Variants in SV2C observed in about 807,000 individuals in gnomAD.
SV2C encodes synaptic vesicle glycoprotein 2C, also known as solute carrier family 22 member B3.
SV2C carries 49 observed loss-of-function variants against 79.7 expected under a neutral mutation model. The observed-to-expected ratio is 0.61, with a 90% confidence interval of 0.49 to 0.78. The LOEUF is 0.78. Ranked by LOEUF, SV2C falls within the 30% of genes least tolerant of loss-of-function variation. The probability of loss-of-function intolerance (pLI) is 0.00; values close to 1 mark genes in which losing one functional copy is unlikely to be tolerated. For missense variants in SV2C, 833 were observed against 912.9 expected (o/e 0.91, Z 1.13); for synonymous variants, 334 against 333.2 (o/e 1.00, Z -0.03).
At chr5:76,308,963 G>C (rs1748310393) in intron 12 of SV2C, among the ~76,000 whole-genome samples, 1 of 152,058 alleles carries the variant, frequency 6.6e-6, no homozygotes, top group African/African-American at 2.4e-5. Flanking sequence ...GCAAACTTCA[G>C]TTGTAATATA....
intron 4 of SV2C, among the ~76,000 whole-genome samples, chr5:76,226,051 C>T (rs576400687): frequency 2.3e-4 from 35 of 152,272 alleles, no homozygotes; most frequent in African/African-American, 7.0e-4. Context: ...ATGAGTTCAA[C>T]GAACCGCTTC....
In SV2C at chr5:76,332,263, G is replaced by A. The variant is rs562581898; in HGVS notation, c.*6716G>A. The stretch of plus-strand genomic sequence containing the variant: ...GACTCAGACGGGTTTCAACTCAAGC[G>A]GGTAATCTACCCCAGCAGCAGGGGT... On this transcript the variant is annotated 3_prime_UTR_variant, in exon 13 of 13. Transcript: ENST00000502798. 9 of 152,252 alleles carry A rather than the reference G, an allele frequency of 5.9e-5. No individual in the cohort carries two copies. The East Asian group carries it at 1.4e-3, about 23-fold the overall frequency. The allele number at this position is 152,252 out of a possible 1,614,324, so 9.4% of individuals were successfully genotyped here.
At chr5:75,950,696 A>G in the SV2C span, among the ~76,000 whole-genome samples, 285 of 152,140 alleles carry the variant, frequency 1.9e-3, 2 homozygotes, top group African/African-American at 6.3e-3. Flanking sequence ...GTCAAGCTAG[A>G]TATAAGTGGA....
chr5:76,088,233 A>C (rs1348191531), intron 1 of SV2C, among the ~76,000 whole-genome samples: 1 of 152,204 alleles, frequency 6.6e-6, no homozygotes, highest in African/African-American at 2.4e-5. Flanking sequence ...TTTCCTCATA[A>C]AGTTATTAGA....
intron 2 of SV2C, among the ~76,000 whole-genome samples, chr5:76,157,417 T>G (rs1272122266): frequency 3.3e-5 from 5 of 152,030 alleles, no homozygotes; most frequent in Non-Finnish European, 7.4e-5. Context: ...GCTAAAGTTA[T>G]TTAGTCTGAA....
chr5:76,117,214 C>A (rs1052508208), intron 1 of SV2C, among the ~76,000 whole-genome samples: 3 of 152,078 alleles, frequency 2.0e-5, no homozygotes, highest in Non-Finnish European at 4.4e-5. Context: ...AATTATATAT[C>A]ATGGTTTTGA....
At chr5:75,848,690 G>C in the SV2C span, among the ~76,000 whole-genome samples, 1 of 152,140 alleles carries the variant, frequency 6.6e-6, no homozygotes, top group Non-Finnish European at 1.5e-5. Context: ...TCTCAAGATA[G>C]GAGGGGTTGG....
chr5:76,320,076 C>G (rs1748777553), intron 12 of SV2C, among the ~76,000 whole-genome samples: 1 of 151,710 alleles, frequency 6.6e-6, no homozygotes, highest in South Asian at 2.1e-4. Context: ...CTTTGGGAGG[C>G]TGAGGTGGGA....
rs544120931 is a variant in SV2C at position 76,346,093 on chromosome 5, C to T, written c.2001-7037C>T. Among the ~76,000 whole-genome samples, 10 of 152,252 alleles carry T rather than the reference C, an allele frequency of 6.6e-5. No individual in the cohort carries two copies. In the East Asian group the frequency reaches 1.7e-3, roughly 26 times the overall value. ...GATTTCCTTGGTGTAATTACTTCCACCATGGTTAATTTCAAGCTACCAGTG... is the reference window on the plus strand; with the variant it reads ...GATTTCCTTGGTGTAATTACTTCCATCATGGTTAATTTCAAGCTACCAGTG... On this transcript the variant is annotated intron_variant, in intron 12 of 12. Coordinates refer to the SV2C transcript ENST00000322285.
chr5:75,950,911 A>T, the SV2C span, among the ~76,000 whole-genome samples: 3 of 152,020 alleles, frequency 2.0e-5, no homozygotes, highest in Non-Finnish European at 4.4e-5. Context: ...TTTACATTCT[A>T]GTCACATGAT....
the SV2C span, among the ~76,000 whole-genome samples, chr5:75,931,619 A>G: frequency 6.6e-6 from 1 of 152,218 alleles, no homozygotes; most frequent in East Asian, 1.9e-4. Context: ...TCAAATGGAA[A>G]GCTAAGGCCA....
At chr5:76,042,516 T>C in the SV2C span, among the ~76,000 whole-genome samples, 58 of 152,196 alleles carry the variant, frequency 3.8e-4, no homozygotes, top group Non-Finnish European at 8.8e-5. Flanking sequence ...AATCTATAGA[T>C]CCTCCTTCTA....
chr5:76,219,395 C>T (rs1406269696), intron 4 of SV2C, among the ~76,000 whole-genome samples: 2 of 152,174 alleles, frequency 1.3e-5, no homozygotes, highest in Non-Finnish European at 1.5e-5. Context: ...TAATAAGATG[C>T]ATCAGTCAAA....
At chr5:75,971,982 A>C in the SV2C span, among the ~76,000 whole-genome samples, 2 of 152,260 alleles carry the variant, frequency 1.3e-5, no homozygotes, top group South Asian at 4.1e-4. Context: ...ACAGAGATAC[A>C]GACTAATGGA....
In SV2C at chr5:76,107,852, C is replaced by CA. The variant is rs372536010; in HGVS notation, c.-101-23789dup. ...TGGGCAACAGATGAAGACCCTATTT[C>CA]AAAAAAAAACAAAAGCAAGTTTATT... is the stretch of plus-strand genomic sequence containing the variant. On this transcript the variant is annotated intron_variant, in intron 1 of 12. Transcript: ENST00000502798. Among the ~76,000 whole-genome samples, 38 of 149,068 alleles carry CA rather than the reference C, an allele frequency of 2.5e-4. 1 individual carries two copies. The highest frequency in any genetic ancestry group is 3.9e-4 in the East Asian group (2 of 5,110).
chr5:75,874,113 T>G, the SV2C span, among the ~76,000 whole-genome samples: 1 of 152,054 alleles, frequency 6.6e-6, no homozygotes, highest in South Asian at 2.1e-4. Flanking sequence ...AAAAGAAAAC[T>G]TCAGGTCAAT....
chr5:76,101,084 T>C (rs1276331290), intron 1 of SV2C, among the ~76,000 whole-genome samples: 1 of 144,676 alleles, frequency 6.9e-6, no homozygotes, highest in Non-Finnish European at 1.6e-5. Flanking sequence ...GCAGGATGTA[T>C]GAGGAGAGGG....
intron 4 of SV2C, among the ~76,000 whole-genome samples, chr5:76,284,165 A>G (rs1580021602): frequency 6.6e-6 from 1 of 152,152 alleles, no homozygotes; most frequent in East Asian, 1.9e-4. Flanking sequence ...ATTTGAATGG[A>G]TATAAAATGG....
chr5:76,070,973 T>C, the SV2C span, among the ~76,000 whole-genome samples: 2 of 152,184 alleles, frequency 1.3e-5, no homozygotes, highest in Admixed American at 6.5e-5. Context: ...TAAGGTGATA[T>C]CTGAGGCAGT....
Sources: allele counts gnomAD v4.1 joint callset (sites outside exome capture counted in the v4.1 genomes callset), GRCh38; gene constraint gnomAD v4.1.1; transcripts MANE v1.5; gene names NCBI Gene and HGNC (gene_info 2026-07-23, HGNC 2026-07-21).